Variants in CARMIL1 observed in about 807,000 individuals in gnomAD.
CARMIL1 encodes F-actin-uncapping protein LRRC16A.
Under a neutral mutation model 177.1 loss-of-function variants are expected in CARMIL1, and 90 were observed. The ratio of observed to expected loss-of-function variants is 0.51; its 90% CI spans 0.43 to 0.61. CARMIL1 has a LOEUF of 0.61. CARMIL1 is among the 20% of genes least tolerant of loss of function. The probability of loss-of-function intolerance (pLI) is 0.00; values close to 1 mark genes in which losing one functional copy is unlikely to be tolerated. For synonymous variants in CARMIL1, 577 were observed against 606.2 expected, an observed-to-expected ratio of 0.95 and a Z score of 0.71; for missense variants, 1,380 against 1,667.0, an observed-to-expected ratio of 0.83 and a Z score of 3.00.
intron 2 of CARMIL1, among the ~76,000 whole-genome samples, chr6:25,340,031 A>G (rs1403973571): frequency 6.6e-6 from 1 of 152,146 alleles, no homozygotes; most frequent in African/African-American, 2.4e-5. Context: ...GAAATAATCG[A>G]TTTTGTAATT....
chr6:25,556,911 T>A lies in CARMIL1; in HGVS notation c.2742+61T>A, dbSNP rs1278129336. On this transcript the variant is annotated intron_variant, in intron 29 of 36. Transcript: ENST00000329474. ...TCACTGGACTGTGCCATTGTTTTTT[T>A]TTTTTTTTTTAAATCTCACCTTTTG... 3 of 1,494,840 alleles carry A rather than the reference T, an allele frequency of 2.0e-6. No homozygotes were observed. The East Asian group carries it at 7.0e-5, about 35-fold the overall frequency. 92.6% of individuals were successfully genotyped at this position (1,494,840 alleles called of 1,614,324 possible).
At chr6:25,468,828 A>T (rs780516746) in intron 9 of CARMIL1, among the ~76,000 whole-genome samples, 1 of 152,260 alleles carries the variant, frequency 6.6e-6, no homozygotes, top group Non-Finnish European at 1.5e-5. Flanking sequence ...AATTTGTATT[A>T]CAGTATTTAT....
intron 2 of CARMIL1, among the ~76,000 whole-genome samples, chr6:25,415,090 A>C (rs1320979195): frequency 6.6e-6 from 1 of 152,202 alleles, no homozygotes; most frequent in Non-Finnish European, 1.5e-5. Flanking sequence ...CTGTAGTTAC[A>C]AAATTAATCT....
At chr6:25,366,007 T>G (rs946358393) in intron 2 of CARMIL1, among the ~76,000 whole-genome samples, 1 of 152,098 alleles carries the variant, frequency 6.6e-6, no homozygotes, top group Non-Finnish European at 1.5e-5. Context: ...ATGTATGTAT[T>G]ATGTATTTAG....
At position 25,515,569 on chromosome 6, in the gene CARMIL1, A is replaced by G; in HGVS notation, c.1633-106A>G. 9.7e-7 allele frequency: 1 copy of G among 1,030,322 alleles called. No individual in the cohort carries two copies. Among genetic ancestry groups the G allele is most frequent in the Non-Finnish European group, 1.4e-6 (1 of 729,844 alleles). The allele number at this position is 1,030,322 out of a possible 1,614,324, so 63.8% of individuals were successfully genotyped here. ...TTTTAGGTAGTAGTTCTAAAATCAG[A>G]CACGTGCAGTAGGTCCATCCCCTCT... is the stretch of plus-strand genomic sequence containing the variant. On this transcript the variant is annotated intron_variant, in intron 20 of 36. Coordinates refer to ENST00000329474, the MANE Select transcript of CARMIL1 (RefSeq NM_017640.6). The surrounding 1 kb of genome is among the most constrained non-coding windows in gnomAD (Gnocchi z 5.0).
chr6:25,450,281 T>A, intron 6 of CARMIL1, 58 bp from the exon 7 acceptor site: 1 of 1,261,116 alleles, frequency 7.9e-7, no homozygotes, highest in Non-Finnish European at 1.2e-6. Flanking sequence ...AGCTTTAAAA[T>A]TTTAATTTAA....
chr6:25,573,592 A>AG (rs1254191045), intron 29 of CARMIL1, among the ~76,000 whole-genome samples: 1 of 147,288 alleles, frequency 6.8e-6, no homozygotes, highest in Non-Finnish European at 1.5e-5. Context: ...CCTCTAAGCA[A>AG]AAAAAAAAAA....
chr6:25,549,273 G>A (rs1201488980), intron 26 of CARMIL1, among the ~76,000 whole-genome samples: 1 of 152,196 alleles, frequency 6.6e-6, no homozygotes, highest in Non-Finnish European at 1.5e-5. Context: ...GCACTGTCAT[G>A]CAGGGAGACC....
rs1311963370 is a variant in CARMIL1 at position 25,336,994 on chromosome 6, C to T, written c.138+52085C>T. 2.0e-5 allele frequency among the ~76,000 whole-genome samples: 3 copies of T among 152,168 alleles called. No homozygotes were observed. The South Asian group carries it at 6.2e-4, about 32-fold the overall frequency. ...TTGGCACAGTTGCCCTTTAAAAAGACAGCGTATCAATTGAACATAAATATA... is the reference window on the plus strand; with the variant it reads ...TTGGCACAGTTGCCCTTTAAAAAGATAGCGTATCAATTGAACATAAATATA... On this transcript the variant is annotated intron_variant, in intron 2 of 36. Coordinates refer to ENST00000329474, the MANE Select transcript of CARMIL1 (RefSeq NM_017640.6).
At chr6:25,575,579 A>G (rs373617623) in intron 29 of CARMIL1, among the ~76,000 whole-genome samples, 13 of 152,348 alleles carry the variant, frequency 8.5e-5, no homozygotes, top group Admixed American at 3.3e-4. Context: ...AGGACAGGGC[A>G]GGAGTCTTTG....
chr6:25,420,271 C>A, intron 3 of CARMIL1, 107 bp downstream of exon 3: 1 of 1,006,874 alleles, frequency 9.9e-7, no homozygotes, highest in Non-Finnish European at 1.6e-6. Flanking sequence ...CCTTCATATA[C>A]TGCAACACAA....
At chr6:25,446,108 C>T (rs898982510) in intron 5 of CARMIL1, among the ~76,000 whole-genome samples, 2 of 152,178 alleles carry the variant, frequency 1.3e-5, no homozygotes, top group African/African-American at 2.4e-5. Context: ...GATTTAGCAT[C>T]ATTCTTAAGG....
intron 31 of CARMIL1, among the ~76,000 whole-genome samples, chr6:25,591,533 G>T (rs576110220): frequency 6.6e-6 from 1 of 152,250 alleles, no homozygotes; most frequent in African/African-American, 2.4e-5. Flanking sequence ...TGACAGAAAA[G>T]ACCAAAAGCA....
chr6:25,332,764 C>CACACACACACACACACACAT (rs1561995533), intron 2 of CARMIL1, among the ~76,000 whole-genome samples: 4 of 146,092 alleles, frequency 2.7e-5, no homozygotes, highest in African/African-American at 1.0e-4. Context: ...CACACACACA[C>CACACACACACACACACACAT]ACACACACGC....
At chr6:25,354,541 C>T (rs1043662514) in intron 2 of CARMIL1, among the ~76,000 whole-genome samples, 2 of 151,952 alleles carry the variant, frequency 1.3e-5, no homozygotes, top group African/African-American at 2.4e-5. Flanking sequence ...ATGTTTTCAG[C>T]TTCTTCTGCT....
At chr6:25,339,074 A>G (rs1469593606) in intron 2 of CARMIL1, among the ~76,000 whole-genome samples, 1 of 151,288 alleles carries the variant, frequency 6.6e-6, no homozygotes, top group Non-Finnish European at 1.5e-5. Context: ...CCCCATCAAT[A>G]TAAAATAAAT....
intron 16 of CARMIL1, among the ~76,000 whole-genome samples, chr6:25,499,831 A>C (rs1001441872): frequency 6.6e-6 from 1 of 152,192 alleles, no homozygotes; most frequent in African/African-American, 2.4e-5. Context: ...AAGCAGATGC[A>C]GTGGGAATTT....
At chr6:25,370,964 T>C (rs2150433551) in intron 2 of CARMIL1, among the ~76,000 whole-genome samples, 1 of 152,234 alleles carries the variant, frequency 6.6e-6, no homozygotes, top group East Asian at 1.9e-4. Context: ...TGACTCTGTA[T>C]GCTTTTGTGT....
At chr6:25,487,056 C>T (rs987210089) in intron 12 of CARMIL1, among the ~76,000 whole-genome samples, 3 of 152,098 alleles carry the variant, frequency 2.0e-5, no homozygotes, top group Non-Finnish European at 2.9e-5. Flanking sequence ...ATTTTTTATT[C>T]GAAGTCTCGG....
Sources: gnomAD v4.1 joint callset for allele counts (sites outside exome capture counted in the v4.1 genomes callset) on GRCh38, gnomAD v4.1.1 for gene constraint, Gnocchi (gnomAD v3.1) non-coding constraint, MANE v1.5 for transcripts, NCBI Gene and HGNC (gene_info 2026-07-23, HGNC 2026-07-21) for gene names.